Variants in KCNB2 observed in about 807,000 individuals in gnomAD.
KCNB2 encodes potassium voltage-gated channel subfamily B member 2, also known as delayed rectifier potassium channel protein.
In KCNB2, 15 loss-of-function variants were observed where a neutral mutation model predicts 61.5. That is an observed-to-expected ratio of 0.24 (90% confidence interval 0.16 to 0.38). The LOEUF is 0.38. KCNB2 is among the 10% of genes least tolerant of loss of function. The pLI is 1.00. For synonymous variants in KCNB2, 457 were observed against 446.0 expected, an observed-to-expected ratio of 1.02 and a Z score of -0.31; for missense variants, 828 against 1,125.2, an observed-to-expected ratio of 0.74 and a Z score of 3.78.
At chr8:72,767,544 A>G (rs376328619) in intron 2 of KCNB2, among the ~76,000 whole-genome samples, 4,863 of 132,744 alleles carry the variant, frequency 0.037, 260 homozygotes, top group African/African-American at 0.14. Flanking sequence ...CCATATTATA[A>G]CATGTGTCAC....
Position 72,627,009 on chromosome 8 carries a change from G to A in KCNB2, c.579+58696G>A, listed in dbSNP as rs187122756. Among the ~76,000 whole-genome samples, 246 of 152,294 alleles carry A rather than the reference G, an allele frequency of 1.6e-3. 1 individual carries two copies. Among genetic ancestry groups the A allele is most frequent in the African/African-American group, 5.7e-3 (238 of 41,578 alleles). On this transcript the variant is annotated intron_variant, in intron 2 of 2. Coordinates refer to ENST00000523207, the MANE Select transcript of KCNB2 (RefSeq NM_004770.3). ...TGTTCTAAGTAGGAAACCATTGTGT[G>A]TTAATATTTATCAAATATTTAGAAG...
At chr8:72,679,050 A>G (rs894763449) in intron 2 of KCNB2, among the ~76,000 whole-genome samples, 29 of 152,074 alleles carry the variant, frequency 1.9e-4, no homozygotes, top group Admixed American at 8.5e-4. Flanking sequence ...GATTAAGTGT[A>G]TAGTTGGTTT....
chr8:72,774,807 A>G (rs1180843640), intron 2 of KCNB2, among the ~76,000 whole-genome samples: 1 of 152,170 alleles, frequency 6.6e-6, no homozygotes, highest in Non-Finnish European at 1.5e-5. Context: ...CAAATAAAAT[A>G]ATGTGAGGAT....
intron 2 of KCNB2, among the ~76,000 whole-genome samples, chr8:72,868,562 G>A (rs1220484945): frequency 6.6e-6 from 1 of 151,382 alleles, no homozygotes; most frequent in Non-Finnish European, 1.5e-5. Context: ...TGGCAACAAA[G>A]CAAGACACTG....
intron 2 of KCNB2, among the ~76,000 whole-genome samples, chr8:72,744,010 TG>T (rs1442953540): frequency 6.6e-6 from 1 of 152,130 alleles, no homozygotes; most frequent in Non-Finnish European, 1.5e-5. Context: ...TTCTTTTTAT[TG>T]GGCGGGGGGC....
At chr8:72,692,838 A>G (rs1271557057) in intron 2 of KCNB2, among the ~76,000 whole-genome samples, 1 of 149,958 alleles carries the variant, frequency 6.7e-6, no homozygotes, top group East Asian at 1.9e-4. Context: ...ATTTTAAAAT[A>G]TATTATGTAT....
intron 2 of KCNB2, among the ~76,000 whole-genome samples, chr8:72,882,583 C>G (rs1805734996): frequency 7.0e-6 from 1 of 143,306 alleles, no homozygotes; most frequent in Admixed American, 7.0e-5. Flanking sequence ...CGGCTCTGCA[C>G]TTGAAGTTCC....
Position 72,739,719 on chromosome 8 carries a change from C to A in KCNB2, c.579+171406C>A, listed in dbSNP as rs561642635. Among the ~76,000 whole-genome samples the A allele has an allele frequency of 4.6e-5, 7 of 152,158 alleles. No homozygotes were observed. The South Asian group carries it at 1.5e-3, about 32-fold the overall frequency. ...GACCAAGAAAAAGGATTCCCTAAAA[C>A]ATGCCAAAAGATTTGGACTTTGTCC... On this transcript the variant is annotated intron_variant, in intron 2 of 2. Coordinates refer to ENST00000523207, the MANE Select transcript of KCNB2 (RefSeq NM_004770.3).
chr8:72,709,466 G>A (rs531410861), intron 2 of KCNB2, among the ~76,000 whole-genome samples: 29 of 151,754 alleles, frequency 1.9e-4, no homozygotes, highest in South Asian at 1.7e-3. Flanking sequence ...GCACGGTGCC[G>A]GCATCTGCTT....
intron 2 of KCNB2, among the ~76,000 whole-genome samples, chr8:72,604,989 C>T (rs909899149): frequency 6.6e-6 from 1 of 152,196 alleles, no homozygotes; most frequent in Non-Finnish European, 1.5e-5. Context: ...ATAACTTTAT[C>T]AGCAGTCTTG....
intron 2 of KCNB2, among the ~76,000 whole-genome samples, chr8:72,915,114 G>A (rs568874332): frequency 2.0e-5 from 3 of 152,054 alleles, no homozygotes; most frequent in African/African-American, 4.8e-5. Flanking sequence ...CACCATGTCG[G>A]TCAGGCTGTT....
At chr8:72,716,093 C>T (rs182596855) in intron 2 of KCNB2, among the ~76,000 whole-genome samples, 306 of 152,150 alleles carry the variant, frequency 2.0e-3, no homozygotes, top group African/African-American at 7.1e-3. Context: ...ACACATACAC[C>T]CTCCCAAGAC....
chr8:72,644,588 C>G (rs1806102063), intron 2 of KCNB2, among the ~76,000 whole-genome samples: 1 of 152,134 alleles, frequency 6.6e-6, no homozygotes, highest in South Asian at 2.1e-4. Context: ...TAAACATAGC[C>G]TCAGACTAGC....
chr8:72,653,056 C>T (rs1806237028), intron 2 of KCNB2, among the ~76,000 whole-genome samples: 1 of 152,146 alleles, frequency 6.6e-6, no homozygotes, highest in Non-Finnish European at 1.5e-5. Context: ...CTTCACATGG[C>T]CTGTCCCCTC....
intron 2 of KCNB2, among the ~76,000 whole-genome samples, chr8:72,837,104 G>C (rs968781271): frequency 1.3e-5 from 2 of 152,190 alleles, no homozygotes; most frequent in Non-Finnish European, 2.9e-5. Flanking sequence ...AATATATTTA[G>C]AATTAGACAT....
At chr8:72,747,157 A>G (rs1808089093) in intron 2 of KCNB2, among the ~76,000 whole-genome samples, 1 of 152,196 alleles carries the variant, frequency 6.6e-6, no homozygotes, top group African/African-American at 2.4e-5. Context: ...GGGCTGTGTC[A>G]GGAAGCAGAG....
At chr8:72,927,184 C>G (rs1030686916) in intron 2 of KCNB2, among the ~76,000 whole-genome samples, 19 of 152,142 alleles carry the variant, frequency 1.2e-4, no homozygotes, top group African/African-American at 3.6e-4. Context: ...GGAAGCGCGT[C>G]AAACTCTTCA....
intron 2 of KCNB2, among the ~76,000 whole-genome samples, chr8:72,845,598 C>T (rs7829367): frequency 0.85 from 129,850 of 152,234 alleles, 56,348 homozygotes; most frequent in Middle Eastern, 0.97. Flanking sequence ...TATAAGTCCC[C>T]GACTGGGGCT....
chr8:72,850,772 T>C (rs1810087704), intron 2 of KCNB2, among the ~76,000 whole-genome samples: 1 of 152,226 alleles, frequency 6.6e-6, no homozygotes, highest in African/African-American at 2.4e-5. Context: ...AGACATGGCA[T>C]AAATTGGATA....
Sources: allele counts gnomAD v4.1 joint callset (sites outside exome capture counted in the v4.1 genomes callset), GRCh38; gene constraint gnomAD v4.1.1; transcripts MANE v1.5; gene names NCBI Gene and HGNC (gene_info 2026-07-23, HGNC 2026-07-21).